FHOD3: variants seen among roughly 807,000 people sequenced by gnomAD.
FHOD3 encodes FH1/FH2 domain-containing protein 3.
FHOD3 carries 90 observed loss-of-function variants against 173.0 expected under a neutral mutation model. The observed-to-expected ratio is 0.52, with a 90% CI of 0.44 to 0.62. The LOEUF is 0.62. Ranked by LOEUF, FHOD3 falls within the 20% of genes least tolerant of loss-of-function variation. FHOD3 has a pLI of 0.00. For missense variants in FHOD3, 1,945 were observed against 2,034.7 expected, an observed-to-expected ratio of 0.96 and a Z score of 0.85; for synonymous variants, 828 against 823.0, an observed-to-expected ratio of 1.01 and a Z score of -0.10.
intron 17 of FHOD3, among the ~76,000 whole-genome samples, chr18:36,705,902 T>G (rs1170653465): frequency 6.6e-6 from 1 of 152,020 alleles, no homozygotes; most frequent in East Asian, 1.9e-4. Flanking sequence ...TTTCCTGCAT[T>G]TTCCCAGAGG....
rs559506704 is a variant in FHOD3 at position 36,344,083 on chromosome 18, T to G, written c.166-11456T>G. Among the ~76,000 whole-genome samples, 99 of 152,298 alleles carry G rather than the reference T, an allele frequency of 6.5e-4. 2 individuals are homozygous for G. In the South Asian group the frequency reaches 0.02, roughly 30 times the overall value. ...CTTGAAATAGGTGAATTATGTGGTA[T>G]AAATTATCTCAATAAAGCTGTTACC... On this transcript the variant is annotated intron_variant, in intron 1 of 28. Transcript: ENST00000590592.
At chr18:36,618,583 A>T (rs1245748016) in intron 9 of FHOD3, among the ~76,000 whole-genome samples, 4 of 152,234 alleles carry the variant, frequency 2.6e-5, no homozygotes, top group East Asian at 1.9e-4. Flanking sequence ...AAGTACTAGG[A>T]TTACAGGCGT....
intron 27 of FHOD3, among the ~76,000 whole-genome samples, chr18:36,767,355 T>C (rs1036358381): frequency 4.6e-5 from 7 of 152,248 alleles, no homozygotes; most frequent in Middle Eastern, 3.4e-3. Context: ...AGTCTCACTT[T>C]GTTGCCCAGG....
intron 5 of FHOD3, among the ~76,000 whole-genome samples, chr18:36,543,805 G>C (rs1397717877): frequency 6.6e-6 from 1 of 152,146 alleles, no homozygotes; most frequent in Non-Finnish European, 1.5e-5. Context: ...TGCCAGTGCT[G>C]GTGCTGAGTG....
chr18:36,629,588 T>A (rs1453824653), intron 10 of FHOD3, among the ~76,000 whole-genome samples: 1 of 152,200 alleles, frequency 6.6e-6, no homozygotes, highest in Non-Finnish European at 1.5e-5. Flanking sequence ...GTGTGAGGGC[T>A]ATGGGGAACA....
chr18:36,768,728 G>C (rs2043245273), intron 27 of FHOD3, among the ~76,000 whole-genome samples: 1 of 152,014 alleles, frequency 6.6e-6, no homozygotes, highest in African/African-American at 2.4e-5. Context: ...ATAATTCAAA[G>C]ATAAACTGTG....
rs1250516128 is a variant in FHOD3 at position 36,740,847 on chromosome 18, T to C, written c.3759+9T>C. ...ATGAAACTACAGAAAAGGTAAGCTC[T>C]CTGTAAGAGAGGCCGCTGATCCCAC... On this transcript the variant is annotated intron_variant, in intron 21 of 28. Transcript: ENST00000590592. 3 of 1,602,976 alleles carry C rather than the reference T, an allele frequency of 1.9e-6. No individual in the cohort carries two copies. The highest frequency in any genetic ancestry group is 2.6e-6 in the Non-Finnish European group (3 of 1,176,464).
intron 10 of FHOD3, among the ~76,000 whole-genome samples, chr18:36,640,888 G>T (rs2035256457): frequency 6.6e-6 from 1 of 152,176 alleles, no homozygotes; most frequent in African/African-American, 2.4e-5. Context: ...TTTAGATTCT[G>T]CTTTAAGTTT....
chr18:36,490,069 G>A (rs898545676), intron 3 of FHOD3, among the ~76,000 whole-genome samples: 14 of 152,180 alleles, frequency 9.2e-5, no homozygotes, highest in African/African-American at 3.4e-4. Context: ...CAGCATCACG[G>A]TGCTGCCTCC....
chr18:36,585,199 T>C (rs370321880), intron 6 of FHOD3, among the ~76,000 whole-genome samples: 22 of 152,338 alleles, frequency 1.4e-4, no homozygotes, highest in African/African-American at 5.3e-4. Flanking sequence ...AAAATATGTT[T>C]AGTGAATGAG....
chr18:36,297,715 G>C lies in FHOD3; in HGVS notation c.-121G>C. The C allele has an allele frequency of 3.4e-6, 2 of 582,694 alleles. No individual in the cohort carries two copies. The highest frequency in any genetic ancestry group is 7.3e-4 in the Middle Eastern group (1 of 1,372). The allele number at this position is 582,694 out of a possible 1,614,324, so 36.1% of individuals were successfully genotyped here. A position where few individuals can be genotyped will look rare whatever the true frequency, so the allele number is the denominator to read the frequency against. On this transcript the variant is annotated 5_prime_UTR_variant, in exon 1 of 29. Coordinates refer to ENST00000590592, the MANE Select transcript of FHOD3 (RefSeq NM_001281740.3). Reference sequence around the variant, plus strand: ...CCGGGCTGCAGCCCGGCGCGCCTGAGCCTGCGAGTCCGCGAGCCAGCGAGC... The same window carrying C: ...CCGGGCTGCAGCCCGGCGCGCCTGACCCTGCGAGTCCGCGAGCCAGCGAGC...
rs954258630 is a variant in FHOD3, at chr18:36,759,100, T to C, written c.4426-18T>C. On this transcript the variant is annotated intron_variant, in intron 25 of 28. Transcript: ENST00000590592. ...CTTCTGTCTTTTCCGTCCTGTCCTG[T>C]CCTGTCCTCTCGGGTAGACTGATGA... 6.5e-7 allele frequency: 1 copy of C among 1,535,784 alleles called. No homozygotes were observed. Among genetic ancestry groups the C allele is most frequent in the African/African-American group, 1.4e-5 (1 of 73,042 alleles).
At chr18:36,667,052 G>A (rs570207703) in intron 14 of FHOD3, among the ~76,000 whole-genome samples, 2 of 152,268 alleles carry the variant, frequency 1.3e-5, no homozygotes, top group South Asian at 4.1e-4. Context: ...CTTTCAGTTA[G>A]TATAATTGTT....
chr18:36,653,423 G>A lies in FHOD3; in HGVS notation c.1721+7G>A. ...GATCTTTCTCTTCTAATAGGTGGGT[G>A]TCTTTATTTTCTTTCCCTTTTCTGT... On this transcript the variant is annotated splice_region_variant and intron_variant, in intron 13 of 28. Transcript: ENST00000590592. 1.3e-6 allele frequency: 2 copies of A among 1,521,026 alleles called. No individual in the cohort carries two copies. The highest frequency in any genetic ancestry group is 1.8e-6 in the Non-Finnish European group (2 of 1,135,330). The allele number at this position is 1,521,026 out of a possible 1,614,324, so 94.2% of individuals were successfully genotyped here.
intron 7 of FHOD3, among the ~76,000 whole-genome samples, chr18:36,600,757 T>C (rs755362004): frequency 6.6e-6 from 1 of 152,214 alleles, no homozygotes; most frequent in Admixed American, 6.5e-5. Context: ...CATTGTTCCT[T>C]GGCCTTTGCT....
intron 3 of FHOD3, among the ~76,000 whole-genome samples, chr18:36,473,652 A>G (rs2053406303): frequency 6.6e-6 from 1 of 152,228 alleles, no homozygotes; most frequent in African/African-American, 2.4e-5. Context: ...ATAACTTCCA[A>G]TAACTTCCTC....
intron 3 of FHOD3, among the ~76,000 whole-genome samples, chr18:36,389,973 C>T (rs984329539): frequency 6.6e-6 from 1 of 152,086 alleles, no homozygotes; most frequent in African/African-American, 2.4e-5. Flanking sequence ...GATGCAAGGC[C>T]GGTTCTGTCA....
At chr18:36,566,490 G>C (rs1474536143) in intron 5 of FHOD3, among the ~76,000 whole-genome samples, 1 of 152,140 alleles carries the variant, frequency 6.6e-6, no homozygotes, top group Admixed American at 6.6e-5. Context: ...AGATGGTCTG[G>C]GCAGGAAGCT....
chr18:36,686,879 T>C (rs568566020), intron 15 of FHOD3, among the ~76,000 whole-genome samples: 1 of 152,352 alleles, frequency 6.6e-6, no homozygotes, highest in South Asian at 2.1e-4. Context: ...AAGTAATTAG[T>C]AGTGTTTCTG....
Sources: gnomAD v4.1 joint callset for allele counts (sites outside exome capture counted in the v4.1 genomes callset) on GRCh38, gnomAD v4.1.1 for gene constraint, MANE v1.5 for transcripts, NCBI Gene and HGNC (gene_info 2026-07-23, HGNC 2026-07-21) for gene names.